GFRA1: variants seen among roughly 807,000 people sequenced by gnomAD.
The protein encoded by GFRA1 is GDNF family receptor alpha-1.
GFRA1 carries 16 observed loss-of-function variants against 51.6 expected under a neutral mutation model. The ratio of observed to expected loss-of-function variants is 0.31; its 90% CI spans 0.21 to 0.47. The LOEUF (loss-of-function observed/expected upper bound fraction) is 0.47, where lower values mean the gene tolerates loss of function less well. Ranked by LOEUF, GFRA1 falls within the 20% of genes least tolerant of loss-of-function variation. The pLI is 1.00. For synonymous variants in GFRA1, 270 were observed against 241.3 expected, an observed-to-expected ratio of 1.12 and a Z score of -1.10; for missense variants, 530 against 594.3, an observed-to-expected ratio of 0.89 and a Z score of 1.13.
chr10:116,131,289 T>G (rs2134050505), intron 5 of GFRA1, among the ~76,000 whole-genome samples: 1 of 152,320 alleles, frequency 6.6e-6, no homozygotes, highest in Admixed American at 6.5e-5. Context: ...GTTCCTAGAA[T>G]TCTCATACAT....
At chr10:116,227,965 T>A (rs1966417525) in intron 4 of GFRA1, among the ~76,000 whole-genome samples, 1 of 152,228 alleles carries the variant, frequency 6.6e-6, no homozygotes, top group South Asian at 2.1e-4. Context: ...TGCCTATGTT[T>A]TGGACAAAGT....
At chr10:116,068,206 G>A (rs1742278244) in intron 9 of GFRA1, among the ~76,000 whole-genome samples, 1 of 152,180 alleles carries the variant, frequency 6.6e-6, no homozygotes, top group Non-Finnish European at 1.5e-5. Flanking sequence ...AGGCTTAGCA[G>A]TCCACACACA....
chr10:116,271,214 CAGCCTT>C, intron 2 of GFRA1, 99 bp from the exon 3 acceptor site: 2 of 1,025,748 alleles, frequency 1.9e-6, no homozygotes, highest in Non-Finnish European at 2.8e-6. Flanking sequence ...GATGCTTGAC[CAGCCTT>C]CGGGGGCGCC....
In GFRA1 at chr10:116,089,753, A is replaced by G; in HGVS notation, c.1185T>C (p.Cys395=). Residue 395 remains cysteine, a synonymous_variant, in exon 9 of 11, where the codon TGT becomes TGC. Transcript: ENST00000355422. The part of the protein sequence containing the change: ...NEIPTHVLPP[C]ANLQAQKLKS... Reference sequence around the variant, plus strand: ...ACGCAGTTCTCACCTGTAAATTTGCACACGGTGGCAAAACATGAGTGGGAA... The same window carrying G: ...ACGCAGTTCTCACCTGTAAATTTGCGCACGGTGGCAAAACATGAGTGGGAA... 5 of 1,614,036 alleles carry G rather than the reference A, an allele frequency of 3.1e-6. No individual in the cohort carries two copies. Among genetic ancestry groups the G allele is most frequent in the Non-Finnish European group, 4.2e-6 (5 of 1,179,942 alleles).
chr10:116,187,297 A>G lies in GFRA1; in HGVS notation c.433+24334T>C, dbSNP rs1962818550. Among the ~76,000 whole-genome samples, 3 of 152,160 alleles carry G rather than the reference A, an allele frequency of 2.0e-5. No homozygotes were observed. In the South Asian group the frequency reaches 6.2e-4, roughly 32 times the overall value. On this transcript the variant is annotated intron_variant, in intron 5 of 10. Coordinates refer to ENST00000355422, the MANE Select transcript of GFRA1 (RefSeq NM_005264.8). ...TGTCCATTTGAGGTCATGAGGCTGG[A>G]GCCCTAAGCTCCAGTGTCTGCTCGG...
intron 6 of GFRA1, among the ~76,000 whole-genome samples, chr10:116,114,607 G>A (rs1957338864): frequency 6.6e-6 from 1 of 152,038 alleles, no homozygotes; most frequent in African/African-American, 2.4e-5. Context: ...GTGTAGTCCA[G>A]GCTGGACTTG....
intron 4 of GFRA1, among the ~76,000 whole-genome samples, chr10:116,249,086 A>T (rs1322061036): frequency 6.6e-6 from 1 of 152,132 alleles, no homozygotes; most frequent in African/African-American, 2.4e-5. Context: ...CCTTTGCTGG[A>T]ACATTCTTCC....
At chr10:116,077,574 T>C (rs1955671364) in intron 9 of GFRA1, among the ~76,000 whole-genome samples, 1 of 152,338 alleles carries the variant, frequency 6.6e-6, no homozygotes, top group Middle Eastern at 3.4e-3. Context: ...ATACTGAAGA[T>C]GCTCAAGCCC....
At position 116,092,096 on chromosome 10, in the gene GFRA1, TACACACACACACAC is replaced by T. The variant is rs58442181; in HGVS notation, c.1015+1592_1015+1605del. On this transcript the variant is annotated intron_variant, in intron 8 of 10. Transcript: ENST00000355422. ...AAAAGAGGAAATATACATACATACG[TACACACACACACAC>T]ACACACACACACACACACACACACA... Among the ~76,000 whole-genome samples the T allele has an allele frequency of 5.8e-3, 807 of 138,200 alleles. 8 individuals carry two copies. Among genetic ancestry groups the T allele is most frequent in the African/African-American group, 0.02 (764 of 37,936 alleles). 90.7% of individuals were successfully genotyped at this position (138,200 alleles called of 152,430 possible).
chr10:116,256,397 A>G (rs959991413), intron 4 of GFRA1, among the ~76,000 whole-genome samples: 1 of 152,140 alleles, frequency 6.6e-6, no homozygotes, highest in East Asian at 1.9e-4. Flanking sequence ...TGCCCTGGGA[A>G]CATGTTGCCC....
Position 116,270,913 on chromosome 10 carries a change from C to G in GFRA1, c.243G>C (p.Gln81His). 6.2e-7 allele frequency: 1 copy of G among 1,614,178 alleles called. No homozygotes were observed. Residue 81 changes from glutamine (Q) to histidine (H), a missense_variant, in exon 3 of 11, where the codon CAG (glutamine) becomes CAC (histidine). By Grantham distance (24) the Gln-to-His change is conservative. Coordinates refer to ENST00000355422, the MANE Select transcript of GFRA1 (RefSeq NM_005264.8). ...ECRSAMEALK[Q>H]KSLYNCRCKR... ...TGCAGCGGCAGTTGTAGAGCGACTT[C>G]TGCTTCAGGGCCTCCATGGCGCTGC...
intron 4 of GFRA1, among the ~76,000 whole-genome samples, chr10:116,224,983 T>C (rs1201197085): frequency 6.6e-6 from 1 of 152,090 alleles, no homozygotes; most frequent in African/African-American, 2.4e-5. Flanking sequence ...TGCTAGACAC[T>C]ATAGCTAGAG....
intron 4 of GFRA1, among the ~76,000 whole-genome samples, chr10:116,219,553 T>C (rs1352525319): frequency 6.6e-6 from 1 of 152,224 alleles, no homozygotes; most frequent in Non-Finnish European, 1.5e-5. Flanking sequence ...AAGAGCCGCA[T>C]ACATGACCTT....
Position 116,089,722 on chromosome 10 carries a change from A to G in GFRA1, c.1197+19T>C. On this transcript the variant is annotated intron_variant, in intron 9 of 10. Coordinates refer to ENST00000355422, the MANE Select transcript of GFRA1 (RefSeq NM_005264.8). ...ACCAGGAAGGGAGCCCCAGCAAGGA[A>G]TCTGGACGCAGTTCTCACCTGTAAA... 6.2e-7 allele frequency: 1 copy of G among 1,608,306 alleles called. No homozygotes were observed. Among genetic ancestry groups the G allele is most frequent in the Non-Finnish European group, 8.5e-7 (1 of 1,174,882 alleles).
intron 6 of GFRA1, among the ~76,000 whole-genome samples, chr10:116,099,530 G>A (rs1956734938): frequency 6.6e-6 from 1 of 152,090 alleles, no homozygotes; most frequent in South Asian, 2.1e-4. Context: ...TCCAAAGAAA[G>A]AAAAGAGCTC....
intron 10 of GFRA1, among the ~76,000 whole-genome samples, chr10:116,065,194 A>C (rs958327611): frequency 1.3e-5 from 2 of 152,188 alleles, no homozygotes; most frequent in Admixed American, 1.3e-4. Flanking sequence ...TATCTGCTCT[A>C]ATCTACCCAT....
At chr10:116,181,627 T>C (rs1962228273) in intron 5 of GFRA1, among the ~76,000 whole-genome samples, 1 of 150,894 alleles carries the variant, frequency 6.6e-6, no homozygotes, top group Non-Finnish European at 1.5e-5. Context: ...AATATGAGGT[T>C]TTTTTTTGTT....
intron 4 of GFRA1, among the ~76,000 whole-genome samples, chr10:116,216,022 T>C (rs1288957415): frequency 6.6e-6 from 1 of 152,144 alleles, no homozygotes. Flanking sequence ...CTGTCCAATT[T>C]CTTCAGTTAG....
intron 5 of GFRA1, among the ~76,000 whole-genome samples, chr10:116,147,314 G>T (rs747029092): frequency 2.0e-5 from 3 of 152,160 alleles, no homozygotes; most frequent in Non-Finnish European, 4.4e-5. Context: ...AGGGGGAGGG[G>T]AGTAGTAGGA....
Sources: allele counts gnomAD v4.1 joint callset (sites outside exome capture counted in the v4.1 genomes callset), GRCh38; gene constraint gnomAD v4.1.1; transcripts MANE v1.5; gene names NCBI Gene and HGNC (gene_info 2026-07-23, HGNC 2026-07-21).